GPC5: variants seen among roughly 807,000 people sequenced by gnomAD.
The protein encoded by GPC5 is glypican 5.
In GPC5, 47 loss-of-function variants were observed where a neutral mutation model predicts 53.9. That is an observed-to-expected ratio of 0.87 (90% confidence interval 0.69 to 1.11). GPC5 has a LOEUF of 1.11. Among genes scored for constraint, GPC5 ranks in the 50% most tolerant of loss-of-function variants. GPC5 has a pLI of 0.00. For synonymous variants in GPC5, 286 were observed against 263.3 expected (o/e 1.09, Z -0.84); for missense variants, 748 against 713.1 (o/e 1.05, Z -0.56).
chr13:92,247,473 G>A (rs184589939), intron 7 of GPC5, among the ~76,000 whole-genome samples: 22 of 152,264 alleles, frequency 1.4e-4, no homozygotes, highest in Admixed American at 6.5e-4. Flanking sequence ...TTAGGTTGCT[G>A]TTAAGATTGT....
At chr13:91,912,855 T>C (rs2039623095) in intron 6 of GPC5, among the ~76,000 whole-genome samples, 2 of 152,194 alleles carry the variant, frequency 1.3e-5, no homozygotes, top group Non-Finnish European at 2.9e-5. Flanking sequence ...TCCTTAACAA[T>C]TGTATTTTGA....
At chr13:91,821,014 T>C (rs2038486673) in intron 5 of GPC5, among the ~76,000 whole-genome samples, 2 of 151,834 alleles carry the variant, frequency 1.3e-5, no homozygotes, top group Non-Finnish European at 2.9e-5. Context: ...TACTTCCAGA[T>C]AAATTTTTAA....
At chr13:92,668,247 G>C (rs1566353836) in intron 7 of GPC5, among the ~76,000 whole-genome samples, 2 of 151,946 alleles carry the variant, frequency 1.3e-5, no homozygotes, top group Non-Finnish European at 2.9e-5. Context: ...ATTTATATAA[G>C]GACTCTGAGT....
At chr13:92,116,919 T>C (rs1389040926) in intron 6 of GPC5, among the ~76,000 whole-genome samples, 9 of 152,220 alleles carry the variant, frequency 5.9e-5, no homozygotes, top group Non-Finnish European at 8.8e-5. Context: ...GTTTTGGGAA[T>C]ATTACATATT....
intron 7 of GPC5, among the ~76,000 whole-genome samples, chr13:92,226,866 C>A (rs1594014767): frequency 6.6e-6 from 1 of 151,982 alleles, no homozygotes; most frequent in East Asian, 1.9e-4. Flanking sequence ...TCCCAAAGTC[C>A]TGCGATTGCA....
At chr13:92,820,199 C>A (rs1030450878) in intron 7 of GPC5, among the ~76,000 whole-genome samples, 1 of 152,124 alleles carries the variant, frequency 6.6e-6, no homozygotes, top group African/African-American at 2.4e-5. Flanking sequence ...TCAATCCAGA[C>A]CCCAGCCTGC....
At chr13:91,648,659 T>C (rs2034620338) in intron 2 of GPC5, among the ~76,000 whole-genome samples, 1 of 152,188 alleles carries the variant, frequency 6.6e-6, no homozygotes. Context: ...AACTTTTTAC[T>C]GTATAGTCTT....
chr13:92,375,170 G>C (rs1273554312), intron 7 of GPC5, among the ~76,000 whole-genome samples: 1 of 152,164 alleles, frequency 6.6e-6, no homozygotes, highest in East Asian at 1.9e-4. Context: ...AGACTAGTGA[G>C]AGTATCTTTG....
chr13:92,276,592 A>G (rs12868873), intron 7 of GPC5, among the ~76,000 whole-genome samples: 12,989 of 152,158 alleles, frequency 0.085, 611 homozygotes, highest in Middle Eastern at 0.12. Flanking sequence ...AATGTGATTC[A>G]TGAGTGCTAG....
chr13:92,490,136 G>A (rs1879708688), intron 7 of GPC5: 1 of 154,330 alleles, frequency 6.5e-6, no homozygotes, highest in Admixed American at 6.6e-5. Context: ...ATTGTTCTCG[G>A]TTCTTTGTGA....
At chr13:92,828,084 T>C (rs2138817736) in intron 7 of GPC5, among the ~76,000 whole-genome samples, 1 of 152,222 alleles carries the variant, frequency 6.6e-6, no homozygotes, top group East Asian at 1.9e-4. Context: ...GACTGAGTAT[T>C]CCTGTCCAGT....
At chr13:91,508,966 C>A (rs912344228) in intron 2 of GPC5, among the ~76,000 whole-genome samples, 6 of 152,062 alleles carry the variant, frequency 3.9e-5, no homozygotes, top group African/African-American at 1.4e-4. Flanking sequence ...GCTTGTGTTC[C>A]CCATCCCATA....
chr13:92,447,233 C>G (rs1256148095), intron 7 of GPC5: 1 of 152,002 alleles, frequency 6.6e-6, no homozygotes, highest in Non-Finnish European at 1.5e-5. Flanking sequence ...AAGAGTTTCC[C>G]CAAAGTTTTC....
chr13:92,569,153 C>G (rs1460563151), intron 7 of GPC5, among the ~76,000 whole-genome samples: 1 of 144,320 alleles, frequency 6.9e-6, no homozygotes, highest in Admixed American at 7.2e-5. Flanking sequence ...GTTCAATTCC[C>G]ACCTATGAGT....
At chr13:91,879,920 G>A (rs1473534954) in intron 5 of GPC5, among the ~76,000 whole-genome samples, 1 of 152,060 alleles carries the variant, frequency 6.6e-6, no homozygotes, top group African/African-American at 2.4e-5. Flanking sequence ...ATGTTTATAA[G>A]AGATACTGTT....
intron 2 of GPC5, among the ~76,000 whole-genome samples, chr13:91,480,871 A>G (rs1292420921): frequency 6.6e-5 from 10 of 151,976 alleles, no homozygotes; most frequent in Admixed American, 6.6e-4. Context: ...TCTCTTTCCT[A>G]CTAGTTCTTT....
At position 91,693,509 on chromosome 13, in the gene GPC5, GA is replaced by G; in HGVS notation, c.649del (p.Arg217GlyfsTer37). ...IPQRVMGQMG[R>X]SLLPSRTFLQ... The stretch of plus-strand genomic sequence containing the variant: ...CCCAAAGAGTAATGGGACAGATGGG[GA>G]GGTCCCTGCTGCCCAGCCGCACTTT... On this transcript the variant is annotated frameshift_variant, in exon 3 of 8. Transcript: ENST00000377067. LOFTEE classifies it high-confidence loss of function. 1 of 1,614,146 alleles carries G rather than the reference GA, an allele frequency of 6.2e-7. No homozygotes were observed. Among genetic ancestry groups the G allele is most frequent in the Non-Finnish European group, 8.5e-7 (1 of 1,180,024 alleles).
chr13:91,642,429 A>T (rs535043698), intron 2 of GPC5, among the ~76,000 whole-genome samples: 4 of 152,340 alleles, frequency 2.6e-5, no homozygotes, highest in Admixed American at 1.3e-4. Context: ...TAACACAGGA[A>T]GCGACTGAAA....
At chr13:91,870,453 CACTTT>C (rs906057443) in intron 5 of GPC5, among the ~76,000 whole-genome samples, 56 of 152,110 alleles carry the variant, frequency 3.7e-4, no homozygotes, top group Non-Finnish European at 7.5e-4. Context: ...CGGAATACTT[CACTTT>C]AAGGGCTAGC....
Sources: gnomAD v4.1 joint callset for allele counts (sites outside exome capture counted in the v4.1 genomes callset) on GRCh38, gnomAD v4.1.1 for gene constraint, MANE v1.5 for transcripts, NCBI Gene and HGNC (gene_info 2026-07-23, HGNC 2026-07-21) for gene names.